The following LRP2 variants were observed in gnomAD, a reference collection of about 807,000 sequenced individuals.
LRP2 encodes the protein LDL receptor related protein 2.
A neutral mutation model predicts 531.0 loss-of-function variants in LRP2; 172 were observed. The ratio of observed to expected loss-of-function variants is 0.32; its 90% CI spans 0.29 to 0.37. The LOEUF (loss-of-function observed/expected upper bound fraction) is 0.37. LRP2 is among the 10% of genes least tolerant of loss of function. The pLI is 1.00. For synonymous variants in LRP2, 1,992 were observed against 2,027.6 expected (o/e 0.98, Z 0.47); for missense variants, 5,167 against 5,868.3 (o/e 0.88, Z 3.90).
intron 28 of LRP2, 68 bp downstream of exon 28, chr2:169,237,035 C>T (rs917679358): frequency 2.6e-5 from 35 of 1,336,968 alleles, no homozygotes; most frequent in Non-Finnish European, 3.4e-5. Context: ...TCAGCTACAT[C>T]ATGTTACTGT....
chr2:169,168,648 G>A lies in LRP2; in HGVS notation c.11526C>T (p.Cys3842=). The change falls in exon 61 of 79, where the codon TGC becomes TGT. Residue 3842 remains cysteine, a synonymous_variant. Coordinates refer to ENST00000649046, the MANE Select transcript of LRP2 (RefSeq NM_004525.3). ...TTTTGCATTCGAACATAGTAGCCTG[G>A]CAGTATGCACCATCAGGAAAGCGTG... ...CPTRFPDGAY[C]QATMFECKNH... is the part of the protein sequence containing the mutation. The A allele has an allele frequency of 6.2e-7, 1 of 1,614,082 alleles. No individual in the cohort carries two copies. The highest frequency in any genetic ancestry group is 8.5e-7 in the Non-Finnish European group (1 of 1,179,968).
At position 169,186,128 on chromosome 2, in the gene LRP2, T is replaced by G. The variant is rs59451109; in HGVS notation, c.9329-109A>C. ...AACAGTGCCAATTCTTAATGAATCATGCTAAGACAGACAACAAAGACTTCC... is the reference window on the plus strand; with the variant it reads ...AACAGTGCCAATTCTTAATGAATCAGGCTAAGACAGACAACAAAGACTTCC... On this transcript the variant is annotated intron_variant, in intron 49 of 78. Coordinates refer to ENST00000649046, the MANE Select transcript of LRP2 (RefSeq NM_004525.3). The G allele has an allele frequency of 7.5e-4, 728 of 970,222 alleles. 3 individuals are homozygous for G. The African/African-American group carries it at 0.011, about 14-fold the overall frequency. The allele number at this position is 970,222 out of a possible 1,614,324, so 60.1% of individuals were successfully genotyped here.
Position 169,150,937 on chromosome 2 carries a change from A to G in LRP2, c.12551T>C (p.Leu4184Pro). Residue 4184 changes from leucine (L) to proline (P), a missense_variant, in exon 68 of 79, where the codon CTG becomes CCG. Leu to Pro is a moderately conservative substitution (Grantham distance 98). This residue lies in a region of LRP2 where 564 missense variants were observed against 747.7 expected (regional missense o/e 0.75). Transcript: ENST00000649046. The part of the protein sequence containing the change: ...RYRKWLISTD[L>P]DQPAAIAVNP... The stretch of plus-strand genomic sequence containing the variant: ...CACAGCAATAGCAGCTGGTTGGTCC[A>G]GGTCAGTGGAAATCAGCCACTTTCT... The G allele has an allele frequency of 6.2e-7, 1 of 1,614,114 alleles. No homozygotes were observed. The highest frequency in any genetic ancestry group is 1.3e-5 in the African/African-American group (1 of 75,068).
intron 1 of LRP2, among the ~76,000 whole-genome samples, chr2:169,327,270 G>C (rs1270767349): frequency 1.8e-5 from 2 of 109,742 alleles, no homozygotes; most frequent in Admixed American, 8.5e-5. Context: ...AGGTGGGGGG[G>C]TCAGCCCCCC....
At chr2:169,344,443 A>C (rs1021157667) in intron 1 of LRP2, among the ~76,000 whole-genome samples, 2 of 152,238 alleles carry the variant, frequency 1.3e-5, no homozygotes, top group Admixed American at 6.5e-5. Context: ...AAAGTTATGT[A>C]AGCAGGGAAG....
At chr2:169,210,718 G>A (rs1384314949) in intron 37 of LRP2, among the ~76,000 whole-genome samples, 1 of 152,118 alleles carries the variant, frequency 6.6e-6, no homozygotes, top group Non-Finnish European at 1.5e-5. Context: ...ATCTTGGATG[G>A]AACAAAACAG....
At chr2:169,328,596 T>C (rs977187346) in intron 1 of LRP2, among the ~76,000 whole-genome samples, 5 of 152,124 alleles carry the variant, frequency 3.3e-5, no homozygotes, top group African/African-American at 9.7e-5. Context: ...CAACAGCTGA[T>C]ATTGTTTACT....
chr2:169,219,171 A>G (rs182836231), intron 34 of LRP2, among the ~76,000 whole-genome samples: 2 of 152,272 alleles, frequency 1.3e-5, no homozygotes, highest in East Asian at 3.9e-4. Flanking sequence ...GCAGGCACAG[A>G]ATAGAATGTT....
chr2:169,149,651 A>G (rs1211186102), intron 68 of LRP2, among the ~76,000 whole-genome samples: 2 of 152,116 alleles, frequency 1.3e-5, no homozygotes, highest in Non-Finnish European at 2.9e-5. Flanking sequence ...AGGCTGCCCA[A>G]CATGGTGAAA....
At position 169,205,466 on chromosome 2, in the gene LRP2, CA is replaced by C. The variant is rs1459637843; in HGVS notation, c.7715+12del. On this transcript the variant is annotated intron_variant, in intron 41 of 78. Transcript: ENST00000649046. ...TCTTCTTAACACCCACATGAGTAAC[CA>C]GAGACACCTACAGACTAGCATCCAC... 2 of 1,613,802 alleles carry C rather than the reference CA, an allele frequency of 1.2e-6. No homozygotes were observed. The highest frequency in any genetic ancestry group is 1.7e-6 in the Non-Finnish European group (2 of 1,179,910).
chr2:169,285,361 G>C (rs1003728552), intron 9 of LRP2, among the ~76,000 whole-genome samples: 1 of 151,968 alleles, frequency 6.6e-6, no homozygotes, highest in Non-Finnish European at 1.5e-5. Context: ...TTGTATCCTT[G>C]GATCACTATA....
chr2:169,216,666 A>G (rs1688808387), intron 34 of LRP2, among the ~76,000 whole-genome samples: 1 of 152,162 alleles, frequency 6.6e-6, no homozygotes, highest in Non-Finnish European at 1.5e-5. Context: ...TGTCTGGAAT[A>G]AGAAGCTAGG....
chr2:169,152,734 A>C, intron 67 of LRP2, 65 bp downstream of exon 67: 1 of 1,563,572 alleles, frequency 6.4e-7, no homozygotes, highest in East Asian at 2.2e-5. Flanking sequence ...TGGCCCATGG[A>C]GTGCAGTAGA....
intron 51 of LRP2, 68 bp from the exon 52 acceptor site, chr2:169,181,686 T>C: frequency 1.4e-6 from 2 of 1,394,164 alleles, no homozygotes; most frequent in Non-Finnish European, 2.0e-6. Context: ...ATACACACCT[T>C]TTCTCCATTT....
Position 169,224,975 on chromosome 2 carries a change from C to T in LRP2, c.5538+335G>A, listed in dbSNP as rs567621900. ...GCTTGGTGGTGCACGCCTGTAATCC[C>T]AGCTACTCGGGTGGCTGAGACAGGA... On this transcript the variant is annotated intron_variant, in intron 33 of 78. Coordinates refer to ENST00000649046, the MANE Select transcript of LRP2 (RefSeq NM_004525.3). Among the ~76,000 whole-genome samples, 4 of 152,120 alleles carry T rather than the reference C, an allele frequency of 2.6e-5. No homozygotes were observed. The East Asian group carries it at 7.7e-4, about 29-fold the overall frequency.
At chr2:169,336,890 T>C (rs1450430749) in intron 1 of LRP2, among the ~76,000 whole-genome samples, 1 of 152,224 alleles carries the variant, frequency 6.6e-6, no homozygotes, top group East Asian at 1.9e-4. Flanking sequence ...AAGAGTTATG[T>C]TCACTCTGTT....
At chr2:169,174,468 G>A (rs542459037) in intron 55 of LRP2, among the ~76,000 whole-genome samples, 11 of 152,284 alleles carry the variant, frequency 7.2e-5, no homozygotes, top group Admixed American at 2.6e-4. Flanking sequence ...CAAACTTTGT[G>A]TTTGTTACTG....
chr2:169,267,940 A>C (rs181083784), intron 16 of LRP2, among the ~76,000 whole-genome samples: 2,708 of 152,266 alleles, frequency 0.018, 79 homozygotes, highest in African/African-American at 0.059. Flanking sequence ...ACCCATCCCA[A>C]AGAAATACAA....
In LRP2 at chr2:169,140,562, C is replaced by G. The variant is rs1351098181; in HGVS notation, c.13109-17G>C. 1.3e-6 allele frequency: 2 copies of G among 1,589,966 alleles called. No homozygotes were observed. Among genetic ancestry groups the G allele is most frequent in the Non-Finnish European group, 8.6e-7 (1 of 1,158,274 alleles). On this transcript the variant is annotated splice_polypyrimidine_tract_variant and intron_variant, in intron 71 of 78. Transcript: ENST00000649046. ...GTTCGATGGCTGCAGGAAGGGAAAG[C>G]CATGCAGGTGTTAGTCAGCTGTACT...
Sources: allele counts gnomAD v4.1 joint callset (sites outside exome capture counted in the v4.1 genomes callset), GRCh38; gene constraint gnomAD v4.1.1; regional missense constraint gnomAD v4.1.1; transcripts MANE v1.5; gene names NCBI Gene and HGNC (gene_info 2026-07-23, HGNC 2026-07-21).